The following FRK variants were observed in gnomAD, a reference collection of about 807,000 sequenced individuals.
FRK encodes fyn related Src family tyrosine kinase, also known as tyrosine-protein kinase FRK.
A neutral mutation model predicts 56.4 loss-of-function variants in FRK; 51 were observed. That is an observed-to-expected ratio of 0.90 (90% CI 0.72 to 1.14). The LOEUF (loss-of-function observed/expected upper bound fraction) is 1.14. Among genes scored for constraint, FRK ranks in the 50% most tolerant of loss-of-function variants. The pLI is 0.00. For missense variants in FRK, 570 were observed against 601.4 expected (o/e 0.95, Z 0.55); for synonymous variants, 245 against 217.9 (o/e 1.12, Z -1.10).
the FRK span, among the ~76,000 whole-genome samples, chr6:116,080,316 T>C: frequency 1.3e-5 from 2 of 152,074 alleles, no homozygotes; most frequent in Non-Finnish European, 2.9e-5. Context: ...CCACCACACC[T>C]GGCTAATTTT....
intron 1 of FRK, among the ~76,000 whole-genome samples, chr6:116,022,710 A>G (rs1775922926): frequency 6.6e-6 from 1 of 152,166 alleles, no homozygotes; most frequent in Non-Finnish European, 1.5e-5. Context: ...ATCATACTCA[A>G]TGGTAAACTA....
rs193201255 is a variant in FRK at position 115,939,745 on chromosome 6, T to C, written c.*2669A>G. The C allele has an allele frequency of 6.6e-6, 1 of 152,222 alleles. No individual in the cohort carries two copies. Among genetic ancestry groups the C allele is most frequent in the East Asian group, 1.9e-4 (1 of 5,178 alleles). 9.4% of individuals were successfully genotyped at this position (152,222 alleles called of 1,614,324 possible). On this transcript the variant is annotated 3_prime_UTR_variant, in exon 8 of 8. Transcript: ENST00000606080. ...CCATTCACAATTGCTACAAAGAGAA[T>C]GAAATATCTAGGATTACAACTTACA...
intron 1 of FRK, among the ~76,000 whole-genome samples, chr6:116,020,257 G>A (rs555172905): frequency 6.6e-6 from 1 of 152,118 alleles, no homozygotes; most frequent in South Asian, 2.1e-4. Context: ...ATAATTTAAA[G>A]TGATCTCTTC....
chr6:116,083,490 A>C, the FRK span, among the ~76,000 whole-genome samples: 2 of 152,252 alleles, frequency 1.3e-5, no homozygotes, highest in East Asian at 1.9e-4. Context: ...GAGAGGATGC[A>C]TAAGTCTAGT....
chr6:115,995,123 A>G (rs1311404484), intron 2 of FRK, among the ~76,000 whole-genome samples: 1 of 152,134 alleles, frequency 6.6e-6, no homozygotes, highest in Non-Finnish European at 1.5e-5. Flanking sequence ...ACCTACATTC[A>G]CACTGAAGGT....
intron 1 of FRK, among the ~76,000 whole-genome samples, chr6:116,054,714 G>A (rs780947954): frequency 6.6e-6 from 1 of 151,026 alleles, no homozygotes; most frequent in Non-Finnish European, 1.5e-5. Flanking sequence ...TTGACACATG[G>A]GCATTTAGTC....
intron 1 of FRK, among the ~76,000 whole-genome samples, chr6:116,037,910 T>C (rs1325481722): frequency 6.6e-6 from 1 of 152,216 alleles, no homozygotes; most frequent in Non-Finnish European, 1.5e-5. Flanking sequence ...TGAAGACACT[T>C]TCCTGCCTTG....
intron 5 of FRK, among the ~76,000 whole-genome samples, chr6:115,945,715 A>G (rs1772415548): frequency 6.6e-6 from 1 of 152,154 alleles, no homozygotes; most frequent in African/African-American, 2.4e-5. Flanking sequence ...TAAAGTATGA[A>G]TATTACATTT....
chr6:115,945,450 T>A (rs1304721306), intron 5 of FRK, among the ~76,000 whole-genome samples: 2 of 152,174 alleles, frequency 1.3e-5, no homozygotes, highest in Non-Finnish European at 2.9e-5. Context: ...GATTTGCATT[T>A]GTCTACTGAT....
intron 1 of FRK, among the ~76,000 whole-genome samples, chr6:116,051,433 A>T (rs559902335): frequency 2.0e-5 from 3 of 152,320 alleles, no homozygotes; most frequent in African/African-American, 7.2e-5. Context: ...AAAAAATTGC[A>T]TCATGACAGA....
intron 1 of FRK, among the ~76,000 whole-genome samples, chr6:116,049,158 A>G (rs1415825964): frequency 2.0e-5 from 3 of 152,176 alleles, no homozygotes; most frequent in African/African-American, 7.2e-5. Context: ...CCCATTAGAT[A>G]AAACCCACTC....
chr6:115,985,551 C>T (rs1774360130), intron 2 of FRK, among the ~76,000 whole-genome samples: 1 of 152,058 alleles, frequency 6.6e-6, no homozygotes, highest in African/African-American at 2.4e-5. Context: ...GTCAGATAGC[C>T]TGGCTATAAA....
chr6:116,001,856 T>TAC (rs3049956), intron 2 of FRK, among the ~76,000 whole-genome samples: 58,491 of 151,626 alleles, frequency 0.39, 11,610 homozygotes, highest in Middle Eastern at 0.5. Context: ...TTACAAAACA[T>TAC]ACACACACAC....
In FRK at chr6:115,958,835, A is replaced by AGAAG. The variant is rs1265830799; in HGVS notation, c.800-2226_800-2225insCTTC. ...GAAAGAAAGAAAAAGAAAGAAAGAAAGAAAGAGAAAGGAAAAAGAAAATTA... is the reference window on the plus strand; with the variant it reads ...GAAAGAAAGAAAAAGAAAGAAAGAAAGAAGGAAAGAGAAAGGAAAAAGAAAATTA... On this transcript the variant is annotated intron_variant, in intron 4 of 7. Transcript: ENST00000606080. Among the ~76,000 whole-genome samples the AGAAG allele has an allele frequency of 1.3e-5, 2 of 150,756 alleles. 1 individual carries two copies. Among genetic ancestry groups the AGAAG allele is most frequent in the East Asian group, 3.9e-4 (2 of 5,140 alleles).
intron 1 of FRK, among the ~76,000 whole-genome samples, chr6:116,033,098 G>A (rs1365755089): frequency 6.6e-6 from 1 of 152,012 alleles, no homozygotes; most frequent in Non-Finnish European, 1.5e-5. Flanking sequence ...GCATACTTGA[G>A]CAAGAAAGAC....
At chr6:116,058,196 T>A (rs1008577075) in intron 1 of FRK, among the ~76,000 whole-genome samples, 1 of 152,188 alleles carries the variant, frequency 6.6e-6, no homozygotes, top group Non-Finnish European at 1.5e-5. Context: ...ATACAGGACA[T>A]AGAAATCATA....
At chr6:115,951,245 G>A (rs544225892) in intron 5 of FRK, among the ~76,000 whole-genome samples, 1 of 152,194 alleles carries the variant, frequency 6.6e-6, no homozygotes, top group Admixed American at 6.5e-5. Context: ...CCTGTCACAA[G>A]GTACTACAGT....
chr6:116,084,194 CA>C, the FRK span, among the ~76,000 whole-genome samples: 46 of 152,240 alleles, frequency 3.0e-4, 1 homozygote, highest in South Asian at 7.5e-3. Context: ...ATCAGTTGCT[CA>C]AGTGTGAATG....
intron 1 of FRK, among the ~76,000 whole-genome samples, chr6:116,022,990 C>T (rs1775934430): frequency 6.6e-6 from 1 of 151,936 alleles, no homozygotes; most frequent in South Asian, 2.1e-4. Flanking sequence ...TTTAAATGGG[C>T]AGAAGACTTA....
Sources: gnomAD v4.1 joint callset for allele counts (sites outside exome capture counted in the v4.1 genomes callset) on GRCh38, gnomAD v4.1.1 for gene constraint, MANE v1.5 for transcripts, NCBI Gene and HGNC (gene_info 2026-07-23, HGNC 2026-07-21) for gene names.